SIAH3: variants seen among roughly 807,000 people sequenced by gnomAD.
SIAH3 encodes the protein seven in absentia homolog 3.
In SIAH3, 9 loss-of-function variants were observed where a neutral mutation model predicts 12.6. The observed-to-expected ratio is 0.72, with a 90% CI of 0.43 to 1.25. The LOEUF (loss-of-function observed/expected upper bound fraction) is 1.25, where lower values mean the gene tolerates loss of function less well. Among genes scored for constraint, SIAH3 ranks in the 50% most tolerant of loss-of-function variants. The pLI is 0.00. For missense variants in SIAH3, 390 were observed against 365.4 expected (o/e 1.07, Z -0.55); for synonymous variants, 154 against 151.1 (o/e 1.02, Z -0.14).
chr13:45,843,348 G>A (rs1406813626), intron 1 of SIAH3, among the ~76,000 whole-genome samples: 3 of 152,080 alleles, frequency 2.0e-5, no homozygotes, highest in African/African-American at 7.2e-5. Flanking sequence ...TCAGAGTGGT[G>A]TCATCGAGCC....
chr13:45,823,935 T>C (rs1302697736), intron 1 of SIAH3, among the ~76,000 whole-genome samples: 3 of 152,202 alleles, frequency 2.0e-5, no homozygotes, highest in Non-Finnish European at 4.4e-5. Flanking sequence ...TTTAAAAAAA[T>C]ATTATTTTAG....
At chr13:45,786,748 C>T (rs1374739708) in intron 1 of SIAH3, among the ~76,000 whole-genome samples, 2 of 152,176 alleles carry the variant, frequency 1.3e-5, no homozygotes, top group African/African-American at 4.8e-5. Context: ...GATCAAGTCA[C>T]TTTCACACAC....
At chr13:45,834,537 C>T (rs1950711310) in intron 1 of SIAH3, among the ~76,000 whole-genome samples, 3 of 152,164 alleles carry the variant, frequency 2.0e-5, no homozygotes, top group African/African-American at 7.2e-5. Flanking sequence ...CCTCGGGTTC[C>T]AGGGCAGTTC....
intron 1 of SIAH3, among the ~76,000 whole-genome samples, chr13:45,808,825 G>A (rs1950606930): frequency 6.6e-6 from 1 of 152,136 alleles, no homozygotes; most frequent in Non-Finnish European, 1.5e-5. Flanking sequence ...TGATGGAATG[G>A]GAACCAGAAT....
At chr13:45,794,661 G>A (rs1156362758) in intron 1 of SIAH3, among the ~76,000 whole-genome samples, 1 of 152,190 alleles carries the variant, frequency 6.6e-6, no homozygotes, top group Non-Finnish European at 1.5e-5. Context: ...CTGCCACCAT[G>A]TAAGACGTGC....
intron 1 of SIAH3, among the ~76,000 whole-genome samples, chr13:45,832,809 A>C (rs1311802197): frequency 2.6e-5 from 4 of 152,148 alleles, no homozygotes; most frequent in South Asian, 2.1e-4. Flanking sequence ...AAGTGTTCCA[A>C]TTCCTCCACA....
At chr13:45,790,063 T>C (rs1292871601) in intron 1 of SIAH3, among the ~76,000 whole-genome samples, 1 of 152,224 alleles carries the variant, frequency 6.6e-6, no homozygotes, top group Admixed American at 6.5e-5. Flanking sequence ...AATATCCTTG[T>C]GTCCAGCTGC....
chr13:45,838,884 C>T (rs1399183131), intron 1 of SIAH3, among the ~76,000 whole-genome samples: 4 of 151,944 alleles, frequency 2.6e-5, no homozygotes, highest in East Asian at 1.9e-4. Context: ...GGCATCATCC[C>T]GCTTTCCTTC....
chr13:45,839,585 C>T (rs1255859010), intron 1 of SIAH3, among the ~76,000 whole-genome samples: 2 of 152,212 alleles, frequency 1.3e-5, no homozygotes, highest in African/African-American at 4.8e-5. Flanking sequence ...GTAATCCCAG[C>T]ACTTTGGGAG....
chr13:45,819,575 T>C (rs1950647997), intron 1 of SIAH3, among the ~76,000 whole-genome samples: 1 of 152,068 alleles, frequency 6.6e-6, no homozygotes. Flanking sequence ...GTGGTGGAAA[T>C]TGGTATTTAG....
chr13:45,792,451 G>C (rs1950548933), intron 1 of SIAH3, among the ~76,000 whole-genome samples: 1 of 151,244 alleles, frequency 6.6e-6, no homozygotes, highest in African/African-American at 2.4e-5. Flanking sequence ...TTCGCCTCCT[G>C]GGTTCATGCA....
chr13:45,836,526 C>A (rs1290749991), intron 1 of SIAH3, among the ~76,000 whole-genome samples: 1 of 152,124 alleles, frequency 6.6e-6, no homozygotes, highest in Non-Finnish European at 1.5e-5. Flanking sequence ...AACAGAAAAC[C>A]AAATACAGCA....
chr13:45,791,908 G>A (rs1405560092), intron 1 of SIAH3, among the ~76,000 whole-genome samples: 1 of 152,092 alleles, frequency 6.6e-6, no homozygotes, highest in Non-Finnish European at 1.5e-5. Flanking sequence ...AGGAAGTGCT[G>A]TCTCACTTCC....
At chr13:45,797,727 A>G (rs1452540558) in intron 1 of SIAH3, among the ~76,000 whole-genome samples, 1 of 152,054 alleles carries the variant, frequency 6.6e-6, no homozygotes, top group African/African-American at 2.4e-5. Context: ...TGGGTCACAG[A>G]CCTCACTGTG....
intron 1 of SIAH3, among the ~76,000 whole-genome samples, chr13:45,803,685 G>A (rs1950589962): frequency 6.6e-6 from 1 of 152,192 alleles, no homozygotes; most frequent in African/African-American, 2.4e-5. Flanking sequence ...TTGATGTCCA[G>A]GTGGGTGAGA....
intron 1 of SIAH3, among the ~76,000 whole-genome samples, chr13:45,841,349 AC>A (rs1159879533): frequency 3.3e-5 from 5 of 152,058 alleles, no homozygotes; most frequent in Non-Finnish European, 4.4e-5. Flanking sequence ...TGCCAAGCTA[AC>A]CCTGCCCTCC....
rs1381459907 is a variant in SIAH3, at chr13:45,780,552, G to A, written c.*2831C>T. On this transcript the variant is annotated 3_prime_UTR_variant, in exon 2 of 2. Transcript: ENST00000400405. ...CAAAGTCCTGGGATTATGGACGTGA[G>A]CCACCATCCCTGGCCTAGTTCTTAA... 1 of 152,184 alleles carries A rather than the reference G, an allele frequency of 6.6e-6. No homozygotes were observed. Among genetic ancestry groups the A allele is most frequent in the Non-Finnish European group, 1.5e-5 (1 of 68,080 alleles). 9.4% of individuals were successfully genotyped at this position (152,184 alleles called of 1,614,324 possible).
intron 1 of SIAH3, among the ~76,000 whole-genome samples, chr13:45,821,894 GCTT>G (rs1408206270): frequency 6.6e-6 from 1 of 152,180 alleles, no homozygotes; most frequent in Non-Finnish European, 1.5e-5. Flanking sequence ...GTTGATTTCT[GCTT>G]CTTATCTTTC....
chr13:45,791,327 T>C (rs1444180649), intron 1 of SIAH3, among the ~76,000 whole-genome samples: 1 of 152,200 alleles, frequency 6.6e-6, no homozygotes, highest in Non-Finnish European at 1.5e-5. Flanking sequence ...GTTGGGTTAG[T>C]GCAAAAGTAA....
Sources: gnomAD v4.1 joint callset for allele counts (sites outside exome capture counted in the v4.1 genomes callset) on GRCh38, gnomAD v4.1.1 for gene constraint, MANE v1.5 for transcripts, NCBI Gene and HGNC (gene_info 2026-07-23, HGNC 2026-07-21) for gene names.